SORBS2: variants seen among roughly 807,000 people sequenced by gnomAD.
SORBS2 encodes sorbin and SH3 domain containing 2.
SORBS2 carries 46 observed loss-of-function variants against 97.7 expected under a neutral mutation model. The observed-to-expected ratio is 0.47, with a 90% CI of 0.37 to 0.60. SORBS2 has a LOEUF of 0.60. Among genes scored for constraint, SORBS2 ranks in the 20% least tolerant of loss-of-function variants. SORBS2 has a pLI of 0.00. For missense variants in SORBS2, 1,316 were observed against 1,282.3 expected, an observed-to-expected ratio of 1.03 and a Z score of -0.40; for synonymous variants, 476 against 473.4, an observed-to-expected ratio of 1.01 and a Z score of -0.07.
intron 12 of SORBS2, among the ~76,000 whole-genome samples, chr4:185,598,825 AC>A (rs1459435558): frequency 6.6e-6 from 1 of 152,178 alleles, no homozygotes; most frequent in Non-Finnish European, 1.5e-5. Flanking sequence ...TTTATGGTTC[AC>A]ACAAACACAC....
intron 1 of SORBS2, among the ~76,000 whole-genome samples, chr4:185,795,507 G>A (rs751421125): frequency 6.6e-5 from 10 of 151,996 alleles, no homozygotes; most frequent in Non-Finnish European, 1.2e-4. Context: ...TGTGGCTCCC[G>A]GGCACCTGCC....
chr4:185,950,025 G>A (rs545749537), intron 1 of SORBS2, among the ~76,000 whole-genome samples: 24 of 152,284 alleles, frequency 1.6e-4, no homozygotes, highest in Middle Eastern at 3.4e-3. Context: ...AGGCCAAGGC[G>A]GGCGGATCAT....
intron 1 of SORBS2, among the ~76,000 whole-genome samples, chr4:185,926,004 C>G (rs2099263444): frequency 6.6e-6 from 1 of 152,136 alleles, no homozygotes; most frequent in African/African-American, 2.4e-5. Context: ...ATTCCAGACA[C>G]AGGGAACAGC....
intron 2 of SORBS2, among the ~76,000 whole-genome samples, chr4:185,751,964 A>G (rs2098803046): frequency 6.6e-6 from 1 of 152,114 alleles, no homozygotes; most frequent in Non-Finnish European, 1.5e-5. Flanking sequence ...TTTGGTTGCC[A>G]CAGCTGGCAG....
chr4:185,736,459 C>G (rs919086561), intron 2 of SORBS2, among the ~76,000 whole-genome samples: 1 of 152,120 alleles, frequency 6.6e-6, no homozygotes, highest in African/African-American at 2.4e-5. Flanking sequence ...CTGGGCAGAC[C>G]TGAGACTCCA....
At chr4:185,597,741 T>C (rs1219957291) in intron 12 of SORBS2, among the ~76,000 whole-genome samples, 1 of 152,182 alleles carries the variant, frequency 6.6e-6, no homozygotes, top group Non-Finnish European at 1.5e-5. Context: ...GGCAAGTCGC[T>C]TAAGCAGAGA....
At chr4:185,831,014 G>A (rs770232497) in intron 1 of SORBS2, among the ~76,000 whole-genome samples, 73 of 152,116 alleles carry the variant, frequency 4.8e-4, no homozygotes, top group Non-Finnish European at 8.2e-4. Context: ...TTATTTGGGC[G>A]CTATTCTAAT....
At chr4:185,614,666 C>G in intron 11 of SORBS2, 165 bp downstream of exon 23, 2 of 779,962 alleles carry the variant, frequency 2.6e-6, no homozygotes, top group South Asian at 3.9e-5. Flanking sequence ...AGCAGGGAAC[C>G]GTGACTCTGG....
At chr4:185,786,922 C>T (rs2099058530) in intron 1 of SORBS2, among the ~76,000 whole-genome samples, 1 of 147,706 alleles carries the variant, frequency 6.8e-6, no homozygotes, top group Admixed American at 6.8e-5. Context: ...GAGATCATGC[C>T]ACTGCACTCC....
intron 2 of SORBS2, chr4:185,756,908 G>A: frequency 8.6e-7 from 1 of 1,161,344 alleles, no homozygotes; most frequent in Non-Finnish European, 1.3e-6. Context: ...ATTCCTGAAT[G>A]GTCCATATTG....
intron 2 of SORBS2, chr4:185,740,030 A>C (rs2098712418): frequency 1.3e-5 from 2 of 152,648 alleles, no homozygotes; most frequent in Non-Finnish European, 2.9e-5. Flanking sequence ...CCCATGGTAA[A>C]ATGAGAGCCC....
intron 1 of SORBS2, among the ~76,000 whole-genome samples, chr4:185,805,329 A>C (rs1425266196): frequency 6.6e-6 from 1 of 152,058 alleles, no homozygotes; most frequent in African/African-American, 2.4e-5. Context: ...AAATGTCTGA[A>C]TTGTCACTTT....
At chr4:185,836,706 C>G (rs1017608696) in intron 1 of SORBS2, among the ~76,000 whole-genome samples, 3 of 152,162 alleles carry the variant, frequency 2.0e-5, no homozygotes, top group South Asian at 2.1e-4. Flanking sequence ...GAGCTTGACA[C>G]TACACTGTGT....
chr4:185,723,985 G>A (rs1218542810), intron 2 of SORBS2, among the ~76,000 whole-genome samples: 1 of 152,106 alleles, frequency 6.6e-6, no homozygotes, highest in Non-Finnish European at 1.5e-5. Context: ...CAGTGTTTTT[G>A]GCATCTACTG....
At chr4:185,780,097 C>A (rs1349745300) in intron 1 of SORBS2, among the ~76,000 whole-genome samples, 1 of 147,130 alleles carries the variant, frequency 6.8e-6, no homozygotes, top group Admixed American at 6.9e-5. Flanking sequence ...CTCACCGCAA[C>A]CTCTACCTCC....
chr4:185,653,550 T>C (rs115080361), intron 1 of SORBS2, among the ~76,000 whole-genome samples: 2,874 of 152,266 alleles, frequency 0.019, 45 homozygotes, highest in Non-Finnish European at 0.028. Flanking sequence ...AGTTTTCTCC[T>C]CTCTAAAGTG....
At chr4:185,630,553 T>C (rs1484198205) in exon 5 of SORBS2, 10 of 1,581,328 alleles carry the variant, frequency 6.3e-6, no homozygotes, top group Admixed American at 5.2e-5. Context: ...TCTTACCTCA[T>C]GGGTCTTTCC....
intron 1 of SORBS2, among the ~76,000 whole-genome samples, chr4:185,795,982 C>T (rs900887575): frequency 3.9e-5 from 6 of 152,212 alleles, no homozygotes; most frequent in African/African-American, 1.2e-4. Flanking sequence ...CAGCACTTTT[C>T]CCCCAGCCCT....
rs1170132737 is a variant in SORBS2, at chr4:185,635,422, A to T, written c.397-4824T>A. Reference sequence around the variant, plus strand: ...AGGCTTTTTAGGAGGCTGGGTGTAGACGCACCACAGAAGCAGAAGTGTAGG... The same window carrying T: ...AGGCTTTTTAGGAGGCTGGGTGTAGTCGCACCACAGAAGCAGAAGTGTAGG... On this transcript the variant is annotated intron_variant, in intron 4 of 14. Transcript: ENST00000418609. 6.2e-7 allele frequency: 1 copy of T among 1,610,304 alleles called. No homozygotes were observed. The highest frequency in any genetic ancestry group is 1.7e-5 in the Admixed American group (1 of 59,966).
Sources: allele counts gnomAD v4.1 joint callset (sites outside exome capture counted in the v4.1 genomes callset), GRCh38; gene constraint gnomAD v4.1.1; transcripts MANE v1.5; gene names NCBI Gene and HGNC (gene_info 2026-07-23, HGNC 2026-07-21).